Variants in LTBP1 observed in about 807,000 individuals in gnomAD.
LTBP1 encodes latent-transforming growth factor beta-binding protein 1.
In LTBP1, 129 loss-of-function variants were observed where a neutral mutation model predicts 207.6. The observed-to-expected ratio is 0.62, with a 90% confidence interval of 0.54 to 0.72. The LOEUF is 0.72. Among genes scored for constraint, LTBP1 ranks in the 30% least tolerant of loss-of-function variants. The pLI is 0.00. For missense variants in LTBP1, 2,281 were observed against 2,217.2 expected (o/e 1.03, Z -0.58); for synonymous variants, 963 against 833.7 (o/e 1.16, Z -2.67).
chr2:33,288,693 A>AAAAT (rs2093714568), intron 19 of LTBP1, among the ~76,000 whole-genome samples: 1 of 152,014 alleles, frequency 6.6e-6, no homozygotes, highest in Non-Finnish European at 1.5e-5. Context: ...GTCTCTATTA[A>AAAAT]AAATACAAAA....
intron 2 of LTBP1, among the ~76,000 whole-genome samples, chr2:32,964,107 A>G (rs891095109): frequency 3.9e-5 from 6 of 152,218 alleles, no homozygotes; most frequent in African/African-American, 1.2e-4. Context: ...TCAGATGCAG[A>G]GGAGACAGGG....
At chr2:33,042,476 C>G (rs2076238142) in intron 3 of LTBP1, among the ~76,000 whole-genome samples, 1 of 152,132 alleles carries the variant, frequency 6.6e-6, no homozygotes, top group Non-Finnish European at 1.5e-5. Flanking sequence ...TCAGGAGGGA[C>G]TTTGATCTTC....
chr2:33,349,954 T>C (rs954906671), intron 26 of LTBP1, among the ~76,000 whole-genome samples: 10 of 152,218 alleles, frequency 6.6e-5, no homozygotes, highest in African/African-American at 2.2e-4. Flanking sequence ...GCATTCTCCC[T>C]TCCATGAGCA....
At chr2:33,361,397 C>T (rs1376486190) in intron 27 of LTBP1, 32 bp from the exon 28 acceptor site, 44 of 1,024,932 alleles carry the variant, frequency 4.3e-5, no homozygotes, top group East Asian at 8.2e-5. Flanking sequence ...GATGTTGAAT[C>T]TTTTTTTTTT....
chr2:33,243,581 A>C, intron 9 of LTBP1, 81 bp from the exon 10 acceptor site: 1 of 1,323,240 alleles, frequency 7.6e-7, no homozygotes, highest in Non-Finnish European at 1.1e-6. Context: ...TATAGTGAAA[A>C]AGGAAGTGAA....
In LTBP1 at chr2:33,017,044, T is replaced by C. The variant is rs577285790; in HGVS notation, c.566-3865T>C. 9.9e-5 allele frequency among the ~76,000 whole-genome samples: 15 copies of C among 152,222 alleles called. No individual in the cohort carries two copies. In the East Asian group the frequency reaches 2.7e-3, roughly 27 times the overall value. On this transcript the variant is annotated intron_variant, in intron 2 of 33. Transcript: ENST00000404816. ...AAAATAAATAAATAAAAATAAAAGGTACTTCTGTGACAATATTTATAATAT... is the reference window on the plus strand; with the variant it reads ...AAAATAAATAAATAAAAATAAAAGGCACTTCTGTGACAATATTTATAATAT...
intron 31 of LTBP1, among the ~76,000 whole-genome samples, chr2:33,383,808 A>AT (rs564615976): frequency 7.2e-4 from 109 of 152,178 alleles, no homozygotes; most frequent in Non-Finnish European, 1.4e-3. Flanking sequence ...AAGTGCTGGG[A>AT]TTACAGGCGT....
chr2:33,309,002 G>A (rs973978342), intron 22 of LTBP1, among the ~76,000 whole-genome samples: 1 of 151,792 alleles, frequency 6.6e-6, no homozygotes, highest in Non-Finnish European at 1.5e-5. Context: ...CCATTTCTTG[G>A]CCAGGTGTGG....
At chr2:33,086,547 C>A (rs1273962115) in intron 3 of LTBP1, among the ~76,000 whole-genome samples, 1 of 152,126 alleles carries the variant, frequency 6.6e-6, no homozygotes, top group Non-Finnish European at 1.5e-5. Context: ...CCCGAGACTG[C>A]GGTGAATAAG....
chr2:32,978,409 T>C (rs887784122), intron 2 of LTBP1, among the ~76,000 whole-genome samples: 4 of 152,294 alleles, frequency 2.6e-5, no homozygotes, highest in African/African-American at 9.6e-5. Flanking sequence ...CTTTTTTTCA[T>C]GAAGGGATGT....
Position 33,372,771 on chromosome 2 carries a change from C to G in LTBP1, c.4711+7268C>G, listed in dbSNP as rs2095085416. On this transcript the variant is annotated intron_variant, in intron 31 of 33. Coordinates refer to ENST00000404816, the MANE Select transcript of LTBP1 (RefSeq NM_206943.4). ...CCTAGCTACTCTGGAGACTGAGGCA[C>G]AAGAATTGCTTGAACCCAGGAGGCG... is the stretch of plus-strand genomic sequence containing the variant. 2.0e-5 allele frequency among the ~76,000 whole-genome samples: 3 copies of G among 152,202 alleles called. No individual in the cohort carries two copies. The South Asian group carries it at 6.2e-4, about 32-fold the overall frequency.
At chr2:33,109,173 A>G (rs1031585342) in intron 3 of LTBP1, among the ~76,000 whole-genome samples, 3 of 152,228 alleles carry the variant, frequency 2.0e-5, no homozygotes, top group East Asian at 1.9e-4. Context: ...ACCAGCTCCA[A>G]TGAGAATGAA....
At chr2:33,353,249 G>A (rs1210465202) in intron 26 of LTBP1, among the ~76,000 whole-genome samples, 1 of 152,084 alleles carries the variant, frequency 6.6e-6, no homozygotes, top group Non-Finnish European at 1.5e-5. Flanking sequence ...AAAGTTCTGG[G>A]ATTACAGGCG....
At chr2:33,181,242 C>T (rs1423890864) in intron 5 of LTBP1, among the ~76,000 whole-genome samples, 1 of 152,154 alleles carries the variant, frequency 6.6e-6, no homozygotes, top group Non-Finnish European at 1.5e-5. Flanking sequence ...GCAGGGTCTG[C>T]CTTTTTATGG....
rs2093529678 is a variant in LTBP1, at chr2:33,280,134, C to T, written c.3088C>T (p.Arg1030Ter). The T allele has an allele frequency of 1.9e-6, 3 of 1,613,998 alleles. No individual in the cohort carries two copies. The highest frequency in any genetic ancestry group is 2.5e-6 in the Non-Finnish European group (3 of 1,179,960). The change falls in exon 19 of 34, where the codon CGA becomes TGA. Residue 1030 changes from arginine to a stop codon, truncating the protein, a stop_gained. Coordinates refer to ENST00000404816, the MANE Select transcript of LTBP1 (RefSeq NM_206943.4). LOFTEE classifies it high-confidence loss of function. ...YQCVPCTEGF[R>*]GWNGQCLDVD... ...GTGCGTTCCCTGCACAGAAGGATTCCGAGGCTGGAATGGACAGTGCCTTGG... is the reference window on the plus strand; with the variant it reads ...GTGCGTTCCCTGCACAGAAGGATTCTGAGGCTGGAATGGACAGTGCCTTGG...
rs560588479 is a variant in LTBP1 at position 33,335,175 on chromosome 2, A to G, written c.3731-7663A>G. 7.3e-3 allele frequency among the ~76,000 whole-genome samples: 957 copies of G among 130,216 alleles called. 7 individuals carry two copies. The highest frequency in any genetic ancestry group is 0.024 in the African/African-American group (752 of 31,914). 85.4% of individuals were successfully genotyped at this position (130,216 alleles called of 152,430 possible). A position where few individuals can be genotyped will look rare whatever the true frequency, so the allele number is the denominator to read the frequency against. On this transcript the variant is annotated intron_variant, in intron 24 of 33. Transcript: ENST00000404816. The stretch of plus-strand genomic sequence containing the variant: ...AAAGTAGTACATCTCCATGCTGGGG[A>G]AAAAAAAAAAAAAAAGATGTCTCAT...
intron 22 of LTBP1, among the ~76,000 whole-genome samples, chr2:33,303,571 T>C (rs2094030250): frequency 6.6e-6 from 1 of 152,046 alleles, no homozygotes; most frequent in African/African-American, 2.4e-5. Flanking sequence ...TGGATGGTCT[T>C]GATCTCCTGA....
At chr2:33,074,483 C>T (rs1342394313) in intron 3 of LTBP1, among the ~76,000 whole-genome samples, 1 of 151,760 alleles carries the variant, frequency 6.6e-6, no homozygotes, top group African/African-American at 2.4e-5. Flanking sequence ...ATGCCTGTAA[C>T]CCCAGCACTT....
intron 7 of LTBP1, among the ~76,000 whole-genome samples, chr2:33,196,692 C>T (rs1436568544): frequency 1.3e-5 from 2 of 152,104 alleles, no homozygotes; most frequent in African/African-American, 4.8e-5. Context: ...AAATGCTCAC[C>T]AGAGTTGATT....
Sources: allele counts gnomAD v4.1 joint callset (sites outside exome capture counted in the v4.1 genomes callset), GRCh38; gene constraint gnomAD v4.1.1; transcripts MANE v1.5; gene names NCBI Gene and HGNC (gene_info 2026-07-23, HGNC 2026-07-21).